Variants in COPG2 observed in about 807,000 individuals in gnomAD.
COPG2 encodes coatomer subunit gamma-2.
In COPG2, 37 loss-of-function variants were observed where a neutral mutation model predicts 46.3. The observed-to-expected ratio is 0.80, with a 90% CI of 0.61 to 1.05. COPG2 has a LOEUF of 1.05. COPG2 is among the 50% of genes least tolerant of loss of function. The probability of loss-of-function intolerance (pLI) is 0.00; values close to 1 mark genes in which losing one functional copy is unlikely to be tolerated. For missense variants in COPG2, 427 were observed against 387.8 expected, an observed-to-expected ratio of 1.10 and a Z score of -0.85; for synonymous variants, 159 against 129.7, an observed-to-expected ratio of 1.23 and a Z score of -1.53.
chr7:130,544,338 AG>A (rs1407705190), intron 20 of COPG2, among the ~76,000 whole-genome samples: 1 of 152,228 alleles, frequency 6.6e-6, no homozygotes, highest in African/African-American at 2.4e-5. Flanking sequence ...TGGCACTTTA[AG>A]GAAGTGTAGG....
At chr7:130,537,152 T>C (rs1178342161) in intron 20 of COPG2, among the ~76,000 whole-genome samples, 1 of 152,126 alleles carries the variant, frequency 6.6e-6, no homozygotes, top group East Asian at 1.9e-4. Context: ...AAAACTACTC[T>C]GGTGACAGGA....
chr7:130,583,578 G>A (rs1348284374), intron 9 of COPG2, among the ~76,000 whole-genome samples: 12 of 149,092 alleles, frequency 8.0e-5, no homozygotes, highest in African/African-American at 1.2e-4. Flanking sequence ...AGGCTGAGGC[G>A]GGTGGATCAT....
chr7:130,647,754 G>A (rs1341144089), intron 5 of COPG2, among the ~76,000 whole-genome samples: 5 of 145,074 alleles, frequency 3.4e-5, no homozygotes, highest in African/African-American at 1.0e-4. Flanking sequence ...TTTTCGAGAC[G>A]AAGTCTCACT....
chr7:130,645,840 A>G (rs1400810874), intron 5 of COPG2, among the ~76,000 whole-genome samples: 1 of 152,172 alleles, frequency 6.6e-6, no homozygotes, highest in Non-Finnish European at 1.5e-5. Flanking sequence ...TACTCTCATA[A>G]TAAGCTATTA....
chr7:130,556,558 A>G (rs1425050041), intron 12 of COPG2, among the ~76,000 whole-genome samples: 4 of 152,230 alleles, frequency 2.6e-5, no homozygotes, highest in Non-Finnish European at 5.9e-5. Flanking sequence ...ATGATACTTA[A>G]GCCTAATAAA....
At chr7:130,605,665 A>G (rs1554451115) in intron 9 of COPG2, 3 of 502,388 alleles carry the variant, frequency 6.0e-6, no homozygotes, top group Non-Finnish European at 1.2e-5. Context: ...CCAGCAAGGA[A>G]ACAGAGACCT....
At chr7:130,537,097 G>A (rs934520032) in intron 20 of COPG2, among the ~76,000 whole-genome samples, 45 of 152,194 alleles carry the variant, frequency 3.0e-4, no homozygotes, top group African/African-American at 9.2e-4. Context: ...CGTACCGGGG[G>A]GACGAGGATG....
chr7:130,597,351 T>G (rs1794549791), intron 9 of COPG2, among the ~76,000 whole-genome samples: 1 of 152,234 alleles, frequency 6.6e-6, no homozygotes, highest in Non-Finnish European at 1.5e-5. Flanking sequence ...AGACAGAGGT[T>G]GGGCCAATTT....
intron 20 of COPG2, among the ~76,000 whole-genome samples, chr7:130,541,717 C>T (rs1271168662): frequency 6.7e-6 from 1 of 150,204 alleles, no homozygotes; most frequent in Non-Finnish European, 1.5e-5. Context: ...GACTCATAGC[C>T]TGGGCCACTG....
Position 130,539,531 on chromosome 7 carries a change from T to C in COPG2, c.2149+8143A>G, listed in dbSNP as rs1398069638. On this transcript the variant is annotated intron_variant, in intron 20 of 23. Coordinates refer to ENST00000425248, the MANE Select transcript of COPG2 (RefSeq NM_012133.6). ...GGTCAAAGTAGTGAGCACATCCCTA[T>C]GGAGAAGAGATGACTGAGTCAGATG... Among the ~76,000 whole-genome samples, 14 of 152,248 alleles carry C rather than the reference T, an allele frequency of 9.2e-5. No homozygotes were observed. The South Asian group carries it at 2.3e-3, about 25-fold the overall frequency.
Position 130,557,495 on chromosome 7 carries a change from T to A in COPG2, c.1129-2363A>T, listed in dbSNP as rs892198491. Among the ~76,000 whole-genome samples the A allele has an allele frequency of 3.3e-5, 5 of 152,216 alleles. No homozygotes were observed. The East Asian group carries it at 5.8e-4, about 18-fold the overall frequency. On this transcript the variant is annotated intron_variant, in intron 12 of 23. Transcript: ENST00000425248. ...TTTTTTATGAAGCTAGACAACTTGA[T>A]ACTAAAGTTCATTAGAAAAATAAAC...
At chr7:130,557,143 A>G (rs1287314032) in intron 12 of COPG2, among the ~76,000 whole-genome samples, 3 of 152,320 alleles carry the variant, frequency 2.0e-5, no homozygotes, top group African/African-American at 7.2e-5. Context: ...AACTAACTCG[A>G]TAATTCACCA....
At chr7:130,582,215 T>C (rs1794163452) in intron 9 of COPG2, among the ~76,000 whole-genome samples, 1 of 149,216 alleles carries the variant, frequency 6.7e-6, no homozygotes, top group African/African-American at 2.5e-5. Flanking sequence ...TATCTGATCT[T>C]TGACAAACCT....
intron 1 of COPG2, among the ~76,000 whole-genome samples, 170 bp downstream of exon 1, chr7:130,668,462 C>T (rs1212677350): frequency 3.4e-5 from 5 of 149,222 alleles, no homozygotes; most frequent in Non-Finnish European, 6.0e-5. Context: ...GGAGGGGCTA[C>T]GGGCAGGCCC....
intron 5 of COPG2, among the ~76,000 whole-genome samples, chr7:130,641,451 T>C (rs1210162500): frequency 3.9e-5 from 6 of 152,092 alleles, no homozygotes; most frequent in East Asian, 1.9e-4. Context: ...TGAGCTATCA[T>C]AGGATAAAAT....
chr7:130,637,467 T>C (rs1283115200), intron 5 of COPG2, among the ~76,000 whole-genome samples: 1 of 152,220 alleles, frequency 6.6e-6, no homozygotes, highest in Non-Finnish European at 1.5e-5. Flanking sequence ...CTTTATTTCA[T>C]TAGATTTATC....
At chr7:130,663,701 G>A (rs1584620524) in intron 3 of COPG2, among the ~76,000 whole-genome samples, 2 of 151,144 alleles carry the variant, frequency 1.3e-5, no homozygotes, top group African/African-American at 4.9e-5. Flanking sequence ...GTGGCTCTGG[G>A]GTAAAGCCTG....
At chr7:130,655,626 C>T (rs1272989998) in intron 4 of COPG2, among the ~76,000 whole-genome samples, 1 of 151,886 alleles carries the variant, frequency 6.6e-6, no homozygotes, top group African/African-American at 2.4e-5. Flanking sequence ...TATTCTGCTT[C>T]ATAAATTCGA....
intron 5 of COPG2, among the ~76,000 whole-genome samples, chr7:130,638,171 G>A (rs1414435738): frequency 6.6e-6 from 1 of 152,152 alleles, no homozygotes; most frequent in East Asian, 1.9e-4. Flanking sequence ...ACCCCTGCTG[G>A]GAGGTATCTC....
Sources: gnomAD v4.1 joint callset for allele counts (sites outside exome capture counted in the v4.1 genomes callset) on GRCh38, gnomAD v4.1.1 for gene constraint, MANE v1.5 for transcripts, NCBI Gene and HGNC (gene_info 2026-07-23, HGNC 2026-07-21) for gene names.